ERBB4: variants seen among roughly 807,000 people sequenced by gnomAD.
The protein encoded by ERBB4 is erb-b2 receptor tyrosine kinase 4.
In ERBB4, 42 loss-of-function variants were observed where a neutral mutation model predicts 158.0. That is an observed-to-expected ratio of 0.27 (90% CI 0.21 to 0.34). ERBB4 has a LOEUF of 0.34. Among genes scored for constraint, ERBB4 ranks in the 10% least tolerant of loss-of-function variants. The pLI, the probability that ERBB4 is intolerant of heterozygous loss-of-function variation, is 1.00. For missense variants in ERBB4, 1,333 were observed against 1,624.1 expected, an observed-to-expected ratio of 0.82 and a Z score of 3.08; for synonymous variants, 583 against 558.7, an observed-to-expected ratio of 1.04 and a Z score of -0.61.
At chr2:211,417,862 A>C (rs944295676) in intron 25 of ERBB4, among the ~76,000 whole-genome samples, 3 of 152,188 alleles carry the variant, frequency 2.0e-5, no homozygotes, top group Non-Finnish European at 4.4e-5. Context: ...GAAATGGTAA[A>C]AATGAAAAGT....
rs114518517 is a variant in ERBB4 at position 211,755,603 on chromosome 2, T to A, written c.557-4899A>T. On this transcript the variant is annotated intron_variant, in intron 4 of 27. Transcript: ENST00000342788. The stretch of plus-strand genomic sequence containing the variant: ...ACAAGCAATCCCTCTGCTTTCACAA[T>A]GCATTATTCATCATGGAAGCTGGCA... Among the ~76,000 whole-genome samples the A allele has an allele frequency of 3.1e-3, 474 of 152,382 alleles. 2 individuals are homozygous for A. The highest frequency in any genetic ancestry group is 0.011 in the African/African-American group (451 of 41,592).
chr2:212,421,903 CA>C (rs2105907370), intron 1 of ERBB4, among the ~76,000 whole-genome samples: 1 of 152,162 alleles, frequency 6.6e-6, no homozygotes, highest in African/African-American at 2.4e-5. Flanking sequence ...TAAATAATTT[CA>C]AATGAAAAGT....
intron 3 of ERBB4, among the ~76,000 whole-genome samples, chr2:211,941,911 T>A (rs2579980): frequency 0.15 from 22,242 of 152,028 alleles, 2,130 homozygotes; most frequent in African/African-American, 0.27. Flanking sequence ...ATGCTTTAAT[T>A]GACAAGTTCC....
chr2:212,260,366 C>T (rs1031140617), intron 1 of ERBB4, among the ~76,000 whole-genome samples: 4 of 152,142 alleles, frequency 2.6e-5, no homozygotes, highest in Admixed American at 2.6e-4. Context: ...AGGTTGTATA[C>T]TTGATTACTG....
intron 4 of ERBB4, among the ~76,000 whole-genome samples, chr2:211,755,043 C>A (rs1559489228): frequency 1.3e-5 from 2 of 152,118 alleles, no homozygotes; most frequent in Non-Finnish European, 2.9e-5. Context: ...TAGTCCACTT[C>A]TTTACTAAAA....
In ERBB4 at chr2:211,746,512, C is replaced by A. The variant is rs868301993; in HGVS notation, c.622+4127G>T. On this transcript the variant is annotated intron_variant, in intron 5 of 27. Transcript: ENST00000342788. ...TTTTCTTAGTCAAGACTTCCTCCCA[C>A]CTGTGTTTGGTAGCAAGTGAGAAAA... Among the ~76,000 whole-genome samples the A allele has an allele frequency of 1.3e-5, 2 of 152,004 alleles. 1 individual carries two copies. Among genetic ancestry groups the A allele is most frequent in the Non-Finnish European group, 2.9e-5 (2 of 68,024 alleles).
intron 1 of ERBB4, among the ~76,000 whole-genome samples, chr2:212,280,505 T>C (rs1257874109): frequency 6.6e-6 from 1 of 151,708 alleles, no homozygotes; most frequent in East Asian, 1.9e-4. Context: ...TTCTACATCT[T>C]AAATTTTTTA....
intron 3 of ERBB4, among the ~76,000 whole-genome samples, chr2:211,842,023 C>T (rs2077481313): frequency 6.6e-6 from 1 of 151,924 alleles, no homozygotes; most frequent in South Asian, 2.1e-4. Flanking sequence ...GTATTATTTA[C>T]AATTCTGTCC....
chr2:212,237,321 T>C (rs2083917201), intron 1 of ERBB4, among the ~76,000 whole-genome samples: 2 of 152,190 alleles, frequency 1.3e-5, no homozygotes, highest in African/African-American at 4.8e-5. Context: ...GTTTTCCTTT[T>C]AACAGTCATG....
rs192369054 is a variant in ERBB4, at chr2:212,165,548, C to T, written c.83-40645G>A. 2.1e-3 allele frequency among the ~76,000 whole-genome samples: 322 copies of T among 152,074 alleles called. 3 individuals are homozygous for T. The highest frequency in any genetic ancestry group is 7.5e-3 in the African/African-American group (311 of 41,512). ...AGAAGAAGTGGGCTGTTCATAATAG[C>T]TTCTAAGAAAGCTTTTTTCTTTTCT... On this transcript the variant is annotated intron_variant, in intron 1 of 27. Transcript: ENST00000342788.
chr2:212,329,633 G>A (rs2088034556), intron 1 of ERBB4, among the ~76,000 whole-genome samples: 1 of 152,030 alleles, frequency 6.6e-6, no homozygotes. Context: ...GATTCATCAG[G>A]TGTAGGATAT....
chr2:212,326,149 G>A (rs2087819521), intron 1 of ERBB4, among the ~76,000 whole-genome samples: 1 of 150,486 alleles, frequency 6.6e-6, no homozygotes, highest in Non-Finnish European at 1.5e-5. Flanking sequence ...CACATTTGAA[G>A]AAAAATGCTG....
At chr2:212,193,121 T>A (rs999052538) in intron 1 of ERBB4, among the ~76,000 whole-genome samples, 3 of 152,122 alleles carry the variant, frequency 2.0e-5, no homozygotes, top group African/African-American at 7.2e-5. Flanking sequence ...TGTTTTTACC[T>A]CCTGGGTTTG....
chr2:212,197,190 C>T (rs571864900), intron 1 of ERBB4, among the ~76,000 whole-genome samples: 1 of 152,156 alleles, frequency 6.6e-6, no homozygotes, highest in South Asian at 2.1e-4. Flanking sequence ...ATTGTCATGA[C>T]TAGACCTAAG....
chr2:211,585,925 C>A (rs1044161682), intron 19 of ERBB4, among the ~76,000 whole-genome samples: 1 of 152,072 alleles, frequency 6.6e-6, no homozygotes, highest in Non-Finnish European at 1.5e-5. Flanking sequence ...TTATACATAT[C>A]CAGTTACTGA....
chr2:211,653,298 T>G (rs2071073895), intron 16 of ERBB4, among the ~76,000 whole-genome samples: 1 of 152,142 alleles, frequency 6.6e-6, no homozygotes, highest in African/African-American at 2.4e-5. Flanking sequence ...CTATTCTATC[T>G]TATCCAATCT....
At chr2:212,172,753 G>T (rs928779240) in intron 1 of ERBB4, among the ~76,000 whole-genome samples, 1 of 151,994 alleles carries the variant, frequency 6.6e-6, no homozygotes, top group African/African-American at 2.4e-5. Context: ...GACAAATGGG[G>T]GTGGAAAAAC....
intron 3 of ERBB4, among the ~76,000 whole-genome samples, chr2:211,860,295 C>A (rs2077978677): frequency 6.6e-6 from 1 of 152,128 alleles, no homozygotes; most frequent in Non-Finnish European, 1.5e-5. Context: ...TTCTAACTTT[C>A]AACATTATTC....
At chr2:211,866,647 A>T (rs1021751493) in intron 3 of ERBB4, among the ~76,000 whole-genome samples, 1 of 152,210 alleles carries the variant, frequency 6.6e-6, no homozygotes, top group African/African-American at 2.4e-5. Context: ...ATAAACATTA[A>T]AAAACTTAAC....
Sources: allele counts gnomAD v4.1 joint callset (sites outside exome capture counted in the v4.1 genomes callset), GRCh38; gene constraint gnomAD v4.1.1; transcripts MANE v1.5; gene names NCBI Gene and HGNC (gene_info 2026-07-23, HGNC 2026-07-21).